MKNK2: variants seen among roughly 807,000 people sequenced by gnomAD.
MKNK2 encodes the protein MAPK interacting serine/threonine kinase 2.
A neutral mutation model predicts 55.0 loss-of-function variants in MKNK2; 54 were observed. That is an observed-to-expected ratio of 0.98 (90% CI 0.79 to 1.23). MKNK2 has a LOEUF of 1.23. MKNK2 is among the 50% of genes most tolerant of loss of function. The pLI is 0.00. For missense variants in MKNK2, 685 were observed against 632.1 expected, an observed-to-expected ratio of 1.08 and a Z score of -0.90; for synonymous variants, 323 against 256.0, an observed-to-expected ratio of 1.26 and a Z score of -2.50.
At chr19:2,050,425 C>A (rs1219817098) in intron 2 of MKNK2, among the ~76,000 whole-genome samples, 1 of 152,230 alleles carries the variant, frequency 6.6e-6, no homozygotes, top group East Asian at 1.9e-4. Flanking sequence ...GCAGGGGACA[C>A]CCCCCATAAG....
intron 5 of MKNK2, among the ~76,000 whole-genome samples, chr19:2,045,959 G>A (rs1214637461): frequency 2.0e-5 from 3 of 152,214 alleles, no homozygotes; most frequent in African/African-American, 7.2e-5. Flanking sequence ...GGCAGGGACG[G>A]CCCAGGGGAC....
chr19:2,043,975 CAAAAAAAAAAAAAAAAAA>C (rs34533507), intron 5 of MKNK2, among the ~76,000 whole-genome samples: 2 of 23,828 alleles, frequency 8.4e-5, no homozygotes, highest in Non-Finnish European at 1.6e-4. Context: ...GACTTCGCCT[CAAAAAAAAAAAAAAAAAA>C]AAAAAAAAAA....
At chr19:2,047,260 C>T (rs1201063498) in intron 2 of MKNK2, among the ~76,000 whole-genome samples, 2 of 152,144 alleles carry the variant, frequency 1.3e-5, no homozygotes, top group Admixed American at 1.3e-4. Context: ...GAGCTCCTGG[C>T]ACGGAGTGGG....
chr19:2,046,295 C>A lies in MKNK2; in HGVS notation c.242-12G>T. On this transcript the variant is annotated splice_polypyrimidine_tract_variant and intron_variant, in intron 4 of 13. Coordinates refer to ENST00000250896, the MANE Select transcript of MKNK2 (RefSeq NM_199054.3). Reference sequence around the variant, plus strand: ...CAGCTGGTAGACGTCTGCCGGGCAGCGGGGCGGGCGTGAGAGGGACCCTGG... The same window carrying A: ...CAGCTGGTAGACGTCTGCCGGGCAGAGGGGCGGGCGTGAGAGGGACCCTGG... 6.2e-7 allele frequency: 1 copy of A among 1,603,250 alleles called. No individual in the cohort carries two copies. Among genetic ancestry groups the A allele is most frequent in the Non-Finnish European group, 8.5e-7 (1 of 1,179,740 alleles).
At position 2,042,652 on chromosome 19, in the gene MKNK2, G is replaced by A. The variant is rs1163814583; in HGVS notation, c.609C>T (p.His203=). Residue 203 remains histidine (H), a synonymous_variant, in exon 9 of 14, where the codon CAC becomes CAT. Coordinates refer to ENST00000250896, the MANE Select transcript of MKNK2 (RefSeq NM_199054.3). Reference sequence around the variant, plus strand: ...GGATGTTTTCCGGCTTTAGGTCCCTGTGGGCGATGCCTGGGGGAGAAGCCA... The same window carrying A: ...GGATGTTTTCCGGCTTTAGGTCCCTATGGGCGATGCCTGGGGGAGAAGCCA... ...LDFLHNKGIA[H]RDLKPENILC... 2 of 1,562,544 alleles carry A rather than the reference G, an allele frequency of 1.3e-6. No homozygotes were observed. The highest frequency in any genetic ancestry group is 1.7e-6 in the Non-Finnish European group (2 of 1,152,790).
chr19:2,043,799 C>T (rs913396907), intron 5 of MKNK2, among the ~76,000 whole-genome samples: 1 of 152,022 alleles, frequency 6.6e-6, no homozygotes, highest in Admixed American at 6.6e-5. Context: ...CATGGCAAAA[C>T]CCTGTCTCTA....
rs749159900 is a variant in MKNK2, at chr19:2,037,835, G to GAA, written c.*1776_*1777dup. The GAA allele has an allele frequency of 3.9e-3, 4,973 of 1,267,492 alleles. No homozygotes were observed. The highest frequency in any genetic ancestry group is 6.9e-3 in the South Asian group (445 of 64,422). The allele number at this position is 1,267,492 out of a possible 1,614,324, so 78.5% of individuals were successfully genotyped here. A position where few individuals can be genotyped will look rare whatever the true frequency, so the allele number is the denominator to read the frequency against. The stretch of plus-strand genomic sequence containing the variant: ...GGAGGAAGTGACTGTCCCACCTTCA[G>GAA]AAAAAAAAAAAAAAACAAACAAACA... On this transcript the variant is annotated 3_prime_UTR_variant, in exon 14 of 14. Coordinates refer to ENST00000250896, the MANE Select transcript of MKNK2 (RefSeq NM_199054.3).
chr19:2,050,757 G>A, intron 2 of MKNK2, 44 bp downstream of exon 2: 3 of 1,517,960 alleles, frequency 2.0e-6, no homozygotes, highest in African/African-American at 1.4e-5. Context: ...CGGCCATTCC[G>A]GTGGTCCAGC....
At chr19:2,049,009 G>C (rs1244031050) in intron 2 of MKNK2, among the ~76,000 whole-genome samples, 1 of 152,198 alleles carries the variant, frequency 6.6e-6, no homozygotes, top group Non-Finnish European at 1.5e-5. Context: ...ACTCGTGGGA[G>C]CTCACGAGAG....
chr19:2,038,486 G>A lies in MKNK2; in HGVS notation c.*1127C>T, dbSNP rs1051800546. The A allele has an allele frequency of 8.1e-6, 8 of 985,578 alleles. No individual in the cohort carries two copies. The highest frequency in any genetic ancestry group is 7.2e-6 in the Non-Finnish European group (6 of 830,078). The allele number at this position is 985,578 out of a possible 1,614,324, so 61.1% of individuals were successfully genotyped here. On this transcript the variant is annotated 3_prime_UTR_variant, in exon 14 of 14. Coordinates refer to ENST00000250896, the MANE Select transcript of MKNK2 (RefSeq NM_199054.3). The stretch of plus-strand genomic sequence containing the variant: ...GGGGTTGGAGCATGGAGGGTGGGGG[G>A]ACTGAGCAGACCCCCGCATTCCTGG...
At chr19:2,050,609 G>A (rs2017094018) in intron 2 of MKNK2, among the ~76,000 whole-genome samples, 192 bp downstream of exon 2, 1 of 152,336 alleles carries the variant, frequency 6.6e-6, no homozygotes, top group Middle Eastern at 3.4e-3. Flanking sequence ...AGAGAGGACT[G>A]TGGCCTGCTG....
intron 11 of MKNK2, 85 bp downstream of exon 11, chr19:2,041,755 G>A (rs923452001): frequency 2.5e-6 from 3 of 1,187,338 alleles, no homozygotes; most frequent in Non-Finnish European, 3.4e-6. Context: ...GGTGCGCAGG[G>A]CAGGTCCCCT....
At chr19:2,042,170 GA>G (rs1383543519) in intron 10 of MKNK2, 136 bp from the exon 11 acceptor site, 1 of 880,538 alleles carries the variant, frequency 1.1e-6, no homozygotes, top group Non-Finnish European at 1.6e-6. Context: ...CGGCTGCCGG[GA>G]ACGCGCCCCC....
intron 2 of MKNK2, among the ~76,000 whole-genome samples, chr19:2,048,548 T>C (rs1446273445): frequency 1.3e-5 from 2 of 152,106 alleles, no homozygotes; most frequent in African/African-American, 4.8e-5. Flanking sequence ...GTGAGGATGC[T>C]GGCTGCTCTG....
chr19:2,038,037 C>T lies in MKNK2; in HGVS notation c.*1576G>A, dbSNP rs968774031. 2 of 1,292,274 alleles carry T rather than the reference C, an allele frequency of 1.5e-6. No homozygotes were observed. Among genetic ancestry groups the T allele is most frequent in the Admixed American group, 3.2e-5 (1 of 30,910 alleles). The allele number at this position is 1,292,274 out of a possible 1,614,324, so 80.1% of individuals were successfully genotyped here. On this transcript the variant is annotated 3_prime_UTR_variant, in exon 14 of 14. Coordinates refer to ENST00000250896, the MANE Select transcript of MKNK2 (RefSeq NM_199054.3). ...GGGGTGGGCGGAATGCCCCACCCCC[C>T]CCAGGGGTCTTTGGAAGGGGCAGTC...
chr19:2,043,741 C>T (rs996366040), intron 5 of MKNK2, among the ~76,000 whole-genome samples, 159 bp from the exon 6 acceptor site: 3 of 152,026 alleles, frequency 2.0e-5, no homozygotes, highest in Non-Finnish European at 2.9e-5. Flanking sequence ...TTTGGGAGGC[C>T]AAGGCGGGTG....
Position 2,042,026 on chromosome 19 carries a change from C to G in MKNK2, c.759G>C (p.Ser253=), listed in dbSNP as rs1223175047. ...CTACCTCCGGGGCCATGTACTCCGC[C>G]GAGCCGCACTGCGGGCGGGGGAGGG... ...STPELLTPCG[S]AEYMAPEVVE... Residue 253 remains serine, a synonymous_variant, in exon 11 of 14, where the codon TCG becomes TCC. Coordinates refer to ENST00000250896, the MANE Select transcript of MKNK2 (RefSeq NM_199054.3). The G allele has an allele frequency of 1.3e-6, 2 of 1,497,364 alleles. No individual in the cohort carries two copies. The highest frequency in any genetic ancestry group is 1.8e-6 in the Non-Finnish European group (2 of 1,123,472). The allele number at this position is 1,497,364 out of a possible 1,614,324, so 92.8% of individuals were successfully genotyped here.
In MKNK2 at chr19:2,042,408, C is replaced by A; in HGVS notation, c.750+19G>T. ...CAGAGCAGGCGGCCGAGCCCCCAGCCCTCCCCGCGGGCCCTCACCGGAGTG... is the reference window on the plus strand; with the variant it reads ...CAGAGCAGGCGGCCGAGCCCCCAGCACTCCCCGCGGGCCCTCACCGGAGTG... On this transcript the variant is annotated intron_variant, in intron 10 of 13. Coordinates refer to ENST00000250896, the MANE Select transcript of MKNK2 (RefSeq NM_199054.3). 2 of 1,557,654 alleles carry A rather than the reference C, an allele frequency of 1.3e-6. No individual in the cohort carries two copies. The highest frequency in any genetic ancestry group is 1.4e-5 in the African/African-American group (1 of 73,956).
chr19:2,046,381 G>A lies in MKNK2; in HGVS notation c.227C>T (p.Ser76Leu), dbSNP rs377128751. 44 of 1,608,012 alleles carry A rather than the reference G, an allele frequency of 2.7e-5. 1 individual carries two copies. Among genetic ancestry groups the A allele is most frequent in the Admixed American group, 5.0e-5 (3 of 59,992 alleles). ...KKRGRATDSF[S>L]GRFEDVYQLQ... ...TCCCCGCTCACCTTCAAACCTGCCC[G>A]AGAAGCTGTCGGTGGCCCGGCCGCG... Residue 76 changes from serine to leucine, a missense_variant, in exon 4 of 14, where the codon TCG (serine) becomes TTG (leucine). By Grantham distance (145) the Ser-to-Leu change is moderately radical. Coordinates refer to ENST00000250896, the MANE Select transcript of MKNK2 (RefSeq NM_199054.3).
Sources: allele counts gnomAD v4.1 joint callset (sites outside exome capture counted in the v4.1 genomes callset), GRCh38; gene constraint gnomAD v4.1.1; transcripts MANE v1.5; gene names NCBI Gene and HGNC (gene_info 2026-07-23, HGNC 2026-07-21).